The following ADAT1 variants were observed in gnomAD, a reference collection of about 807,000 sequenced individuals.
ADAT1 encodes the protein tRNA-specific adenosine deaminase 1.
A neutral mutation model predicts 58.6 loss-of-function variants in ADAT1; 58 were observed. The observed-to-expected ratio is 0.99, with a 90% confidence interval of 0.80 to 1.23. The LOEUF (loss-of-function observed/expected upper bound fraction) is 1.23, where lower values mean the gene tolerates loss of function less well. Among genes scored for constraint, ADAT1 ranks in the 50% most tolerant of loss-of-function variants. ADAT1 has a pLI of 0.00. For missense variants in ADAT1, 741 were observed against 608.6 expected (o/e 1.22, Z -2.29); for synonymous variants, 254 against 220.8 (o/e 1.15, Z -1.33).
chr16:75,603,207 G>A (rs372127053), intron 8 of ADAT1, 36 bp from the exon 9 acceptor site: 2 of 1,572,586 alleles, frequency 1.3e-6, no homozygotes, highest in African/African-American at 2.7e-5. Context: ...GATTTATTAA[G>A]TGTTTAGTAT....
chr16:75,600,409 C>T, intron 9 of ADAT1, 61 bp from the exon 10 acceptor site: 1 of 1,593,560 alleles, frequency 6.3e-7, no homozygotes, highest in Non-Finnish European at 8.6e-7. Context: ...CCAGGGGCCA[C>T]CAGACACCTG....
intron 4 of ADAT1, among the ~76,000 whole-genome samples, chr16:75,618,079 C>A (rs1315672371): frequency 9.6e-6 from 1 of 104,232 alleles, no homozygotes; most frequent in Admixed American, 1.5e-4. Context: ...GCCTAGGTAA[C>A]AGAGCAAGAC....
Position 75,609,203 on chromosome 16 carries a change from C to T in ADAT1, c.1044-215G>A, listed in dbSNP as rs531381578. Among the ~76,000 whole-genome samples, 331 of 152,264 alleles carry T rather than the reference C, an allele frequency of 2.2e-3. 1 individual carries two copies. The highest frequency in any genetic ancestry group is 7.5e-3 in the African/African-American group (312 of 41,552). The stretch of plus-strand genomic sequence containing the variant: ...TCAATCTGCAGGGATAACTAAGAAT[C>T]AAGTCAACACCCTTCAGGGATGTAA... On this transcript the variant is annotated intron_variant, in intron 6 of 9. Coordinates refer to ENST00000564657, the MANE Select transcript of ADAT1 (RefSeq NM_001324445.2).
At position 75,622,947 on chromosome 16, in the gene ADAT1, G is replaced by A. The variant is rs1248544729; in HGVS notation, c.-566C>T. On this transcript the variant is annotated 5_prime_UTR_variant, in exon 1 of 10. Coordinates refer to ENST00000564657, the MANE Select transcript of ADAT1 (RefSeq NM_001324445.2). ...TGGAGAAGCCTGGGTGGGACCCCGA[G>A]TCGGCCAGTTACAGGATAGGAGGTG... The A allele has an allele frequency of 6.6e-6, 1 of 152,344 alleles. No homozygotes were observed. The highest frequency in any genetic ancestry group is 1.5e-5 in the Non-Finnish European group (1 of 68,150). The allele number at this position is 152,344 out of a possible 1,614,324, so 9.4% of individuals were successfully genotyped here.
At chr16:75,601,183 A>T (rs1357086122) in intron 9 of ADAT1, among the ~76,000 whole-genome samples, 1 of 152,022 alleles carries the variant, frequency 6.6e-6, no homozygotes, top group African/African-American at 2.4e-5. Context: ...TCTACTAAAA[A>T]TACAAAATTA....
intron 8 of ADAT1, among the ~76,000 whole-genome samples, chr16:75,605,700 C>G (rs189143453): frequency 1.2e-3 from 178 of 152,040 alleles, no homozygotes; most frequent in Non-Finnish European, 1.1e-3. Context: ...CTTTGGGAGG[C>G]TGAGGCGGGT....
intron 8 of ADAT1, among the ~76,000 whole-genome samples, chr16:75,607,840 G>A (rs967358826): frequency 2.6e-5 from 4 of 152,106 alleles, no homozygotes; most frequent in African/African-American, 9.7e-5. Context: ...CAACCCAAAC[G>A]TCCATTCATG....
intron 5 of ADAT1, among the ~76,000 whole-genome samples, chr16:75,614,290 A>C (rs1051045703): frequency 6.6e-6 from 1 of 152,186 alleles, no homozygotes; most frequent in Admixed American, 6.5e-5. Context: ...AAAGTAAATT[A>C]CACACCTAGT....
intron 5 of ADAT1, 67 bp downstream of exon 5, chr16:75,617,075 C>T: frequency 6.5e-7 from 1 of 1,530,732 alleles, no homozygotes; most frequent in Non-Finnish European, 8.9e-7. Flanking sequence ...AAAAACCTAC[C>T]TATGGATAAC....
Position 75,622,914 on chromosome 16 carries a change from C to T in ADAT1, c.-533G>A, listed in dbSNP as rs2081975049. The stretch of plus-strand genomic sequence containing the variant: ...ACACTTCCGGAAGCAGAGCCCCTTC[C>T]CGGCCGCTGGAGAAGCCTGGGTGGG... On this transcript the variant is annotated 5_prime_UTR_variant, in exon 1 of 10. Coordinates refer to ENST00000564657, the MANE Select transcript of ADAT1 (RefSeq NM_001324445.2). The T allele has an allele frequency of 6.6e-6, 1 of 152,356 alleles. No homozygotes were observed. The highest frequency in any genetic ancestry group is 6.5e-5 in the Admixed American group (1 of 15,288). 9.4% of individuals were successfully genotyped at this position (152,356 alleles called of 1,614,324 possible). A position where few individuals can be genotyped will look rare whatever the true frequency, so the allele number is the denominator to read the frequency against.
At chr16:75,613,082 T>A (rs887294653) in intron 5 of ADAT1, among the ~76,000 whole-genome samples, 3 of 152,118 alleles carry the variant, frequency 2.0e-5, no homozygotes, top group African/African-American at 4.8e-5. Context: ...TGACTTCATC[T>A]ATTCTCCCAG....
At chr16:75,609,830 A>G (rs532933417) in intron 6 of ADAT1, among the ~76,000 whole-genome samples, 1 of 152,148 alleles carries the variant, frequency 6.6e-6, no homozygotes, top group South Asian at 2.1e-4. Context: ...CCACCTCCCA[A>G]GTAGCTGAGA....
At chr16:75,602,365 A>G (rs1000621672) in intron 9 of ADAT1, among the ~76,000 whole-genome samples, 6 of 152,198 alleles carry the variant, frequency 3.9e-5, no homozygotes, top group South Asian at 2.1e-4. Flanking sequence ...ATCTTACCCT[A>G]TATCTCTCTC....
intron 8 of ADAT1, among the ~76,000 whole-genome samples, chr16:75,607,112 C>T (rs917362186): frequency 1.3e-5 from 2 of 151,726 alleles, no homozygotes; most frequent in Admixed American, 6.6e-5. Context: ...CATCTGTAGT[C>T]CCAGCTACTT....
chr16:75,606,243 C>T (rs944580642), intron 8 of ADAT1, among the ~76,000 whole-genome samples: 2 of 152,094 alleles, frequency 1.3e-5, no homozygotes, highest in Non-Finnish European at 1.5e-5. Context: ...TTAATTGCAA[C>T]AGTAATAACC....
In ADAT1 at chr16:75,620,760, G is replaced by A. The variant is rs1327099972; in HGVS notation, c.40C>T (p.His14Tyr). The stretch of plus-strand genomic sequence containing the variant: ...TTCTTGGGCAGCCTGATCCCATAGT[G>A]TTCATAGCATAGCTGAGCAATCTCA... ...ADEIAQLCYE[H>Y]YGIRLPKKGK... The change falls in exon 2 of 10, where the codon CAC (histidine) becomes TAC (tyrosine). Residue 14 changes from histidine (H) to tyrosine (Y), a missense_variant. Coordinates refer to ENST00000564657, the MANE Select transcript of ADAT1 (RefSeq NM_001324445.2). 1 of 1,614,178 alleles carries A rather than the reference G, an allele frequency of 6.2e-7. No individual in the cohort carries two copies. Among genetic ancestry groups the A allele is most frequent in the African/African-American group, 1.3e-5 (1 of 75,038 alleles).
chr16:75,608,221 T>G lies in ADAT1; in HGVS notation c.1289+3A>C, dbSNP rs1262032302. The stretch of plus-strand genomic sequence containing the variant: ...CATCTCCTCCTGCCCCAATATGCTG[T>G]ACCTTGCCTGAAGGCTTCCAATTGT... On this transcript the variant is annotated splice_donor_region_variant and intron_variant, in intron 8 of 9. Transcript: ENST00000564657. The G allele has an allele frequency of 6.2e-7, 1 of 1,613,524 alleles. No homozygotes were observed. Among genetic ancestry groups the G allele is most frequent in the Non-Finnish European group, 8.5e-7 (1 of 1,179,536 alleles).
chr16:75,610,235 TG>T (rs1392387234), intron 6 of ADAT1, among the ~76,000 whole-genome samples: 1 of 152,220 alleles, frequency 6.6e-6, no homozygotes, highest in African/African-American at 2.4e-5. Context: ...TTTGTCTTTT[TG>T]TTTATTATGA....
chr16:75,618,599 T>G lies in ADAT1; in HGVS notation c.280A>C (p.Arg94=), dbSNP rs146540003. 2.2e-4 allele frequency: 351 copies of G among 1,608,648 alleles called. 1 individual carries two copies. The highest frequency in any genetic ancestry group is 2.9e-4 in the Non-Finnish European group (344 of 1,177,916). The change falls in exon 4 of 10, where the codon AGG becomes CGG. Residue 94 remains arginine, a synonymous_variant. Transcript: ENST00000564657. ...NDSHAEVIAR[R]SFQRYLLHQL... ...ATGTGGCTTTACCTTTGGAAACTCCTTCTGGCTATGACCTCAGCATGGCTA... is the reference window on the plus strand; with the variant it reads ...ATGTGGCTTTACCTTTGGAAACTCCGTCTGGCTATGACCTCAGCATGGCTA...
Sources: gnomAD v4.1 joint callset for allele counts (sites outside exome capture counted in the v4.1 genomes callset) on GRCh38, gnomAD v4.1.1 for gene constraint, MANE v1.5 for transcripts, NCBI Gene and HGNC (gene_info 2026-07-23, HGNC 2026-07-21) for gene names.